The following SRGAP2B variants were observed in gnomAD, a reference collection of about 807,000 sequenced individuals.
SRGAP2B encodes SLIT-ROBO Rho GTPase activating protein 2B, also known as SLIT-ROBO Rho GTPase-activating protein 2B.
A neutral mutation model predicts 22.2 loss-of-function variants in SRGAP2B; 9 were observed. The ratio of observed to expected loss-of-function variants is 0.41; its 90% CI spans 0.24 to 0.71. The LOEUF is 0.71. SRGAP2B is among the 30% of genes least tolerant of loss of function. The probability of loss-of-function intolerance (pLI) is 0.35; values close to 1 mark genes in which losing one functional copy is unlikely to be tolerated. For missense variants in SRGAP2B, 114 were observed against 235.8 expected (o/e 0.48, Z 3.38); for synonymous variants, 36 against 87.4 (o/e 0.41, Z 3.28).
At chr1:145,020,431 TAAAA>T (rs782440915) in intron 2 of SRGAP2B, among the ~76,000 whole-genome samples, 12 of 81,332 alleles carry the variant, frequency 1.5e-4, no homozygotes, top group Non-Finnish European at 4.9e-5. Context: ...CTTGTCTCTT[TAAAA>T]AAAAAAAAAA....
rs1335210244 is a variant in SRGAP2B at position 145,093,850 on chromosome 1, G to A, written c.-542-407C>T. ...CTGTACATCAAAGGGGATCAAAGCC[G>A]GGGAGGGACAAGCCACCAGGGCACA... On this transcript the variant is annotated intron_variant, in intron 1 of 9. Coordinates refer to ENST00000612199, the Ensembl canonical transcript of SRGAP2B. 1.1e-4 allele frequency among the ~76,000 whole-genome samples: 16 copies of A among 144,182 alleles called. No individual in the cohort carries two copies. The East Asian group carries it at 3.2e-3, about 28-fold the overall frequency. The allele number at this position is 144,182 out of a possible 152,430, so 94.6% of individuals were successfully genotyped here.
chr1:144,966,521 C>A (rs1668096527), intron 3 of SRGAP2B, among the ~76,000 whole-genome samples: 1 of 147,110 alleles, frequency 6.8e-6, no homozygotes, highest in Admixed American at 6.6e-5. Context: ...CAACCAGTAC[C>A]AGCCACTGCA....
At chr1:145,031,893 G>T (rs1648386084) in intron 2 of SRGAP2B, among the ~76,000 whole-genome samples, 1 of 143,040 alleles carries the variant, frequency 7.0e-6, no homozygotes. Flanking sequence ...AAGATTTCTA[G>T]CCTCTCAGCT....
intron 2 of SRGAP2B, among the ~76,000 whole-genome samples, chr1:145,043,884 G>A (rs1306178865): frequency 4.8e-4 from 1 of 2,066 alleles, no homozygotes; most frequent in African/African-American, 2.6e-3. Flanking sequence ...GGTATGGCAT[G>A]TCTATGGCTG....
intron 2 of SRGAP2B, among the ~76,000 whole-genome samples, chr1:145,079,947 C>G (rs587716204): frequency 6.7e-6 from 1 of 149,902 alleles, no homozygotes; most frequent in Non-Finnish European, 1.5e-5. Flanking sequence ...CTGCCTCCCC[C>G]AGGTTTGTCC....
chr1:144,994,911 C>A (rs1423655113), intron 3 of SRGAP2B, 97 bp downstream of exon 3: 9 of 617,282 alleles, frequency 1.5e-5, no homozygotes, highest in Non-Finnish European at 2.3e-5. Flanking sequence ...GCCAGGGGCT[C>A]CTGAATTCAG....
intron 2 of SRGAP2B, among the ~76,000 whole-genome samples, chr1:145,020,885 T>G (rs1672754671): frequency 6.7e-6 from 1 of 149,898 alleles, no homozygotes. Context: ...CTGCAAACCC[T>G]GACTCCCTGG....
rs1202934958 is a variant in SRGAP2B, at chr1:144,984,332, AAAC to A, written c.260+10673_260+10675del. 5.1e-3 allele frequency among the ~76,000 whole-genome samples: 605 copies of A among 118,400 alleles called. 33 individuals carry two copies. The highest frequency in any genetic ancestry group is 0.016 in the African/African-American group (475 of 29,996). 77.7% of individuals were successfully genotyped at this position (118,400 alleles called of 152,430 possible). Reference sequence around the variant, plus strand: ...CGAAACTCCATCTAAAAAAAAACCCAAACAACAACAACAACAACAACAACAACA... The same window carrying A: ...CGAAACTCCATCTAAAAAAAAACCCAAACAACAACAACAACAACAACAACA... On this transcript the variant is annotated intron_variant, in intron 3 of 9. Transcript: ENST00000612199.
intron 4 of SRGAP2B, among the ~76,000 whole-genome samples, chr1:144,931,751 G>C (rs1368963538): frequency 6.9e-6 from 1 of 145,696 alleles, no homozygotes; most frequent in Admixed American, 6.8e-5. Context: ...TCAGCCAAGG[G>C]GTTACCCAGC....
chr1:144,922,811 C>G (rs1553604481), intron 4 of SRGAP2B, among the ~76,000 whole-genome samples: 2 of 150,758 alleles, frequency 1.3e-5, no homozygotes, highest in African/African-American at 5.0e-5. Context: ...AAATCCAGGA[C>G]CTCTCTCCTC....
At chr1:145,066,622 C>G (rs1553632404) in intron 2 of SRGAP2B, among the ~76,000 whole-genome samples, 4 of 151,242 alleles carry the variant, frequency 2.6e-5, no homozygotes, top group Non-Finnish European at 5.9e-5. Context: ...TTGCTCACCT[C>G]TCCACTATGT....
chr1:144,905,878 ATCT>A (rs1662950718), exon 6 of SRGAP2B: 1 of 707,224 alleles, frequency 1.4e-6, no homozygotes, highest in Admixed American at 2.0e-5. Flanking sequence ...CATCTTCTCA[ATCT>A]TCTTCACTGA....
chr1:144,966,537 A>G (rs1173876719), intron 3 of SRGAP2B, among the ~76,000 whole-genome samples: 18 of 147,098 alleles, frequency 1.2e-4, no homozygotes, highest in Admixed American at 9.3e-4. Flanking sequence ...CTGCAAAAAC[A>G]TGCCCAATTG....
intron 3 of SRGAP2B, among the ~76,000 whole-genome samples, chr1:144,975,962 C>A (rs1668871389): frequency 6.8e-6 from 1 of 146,246 alleles, no homozygotes; most frequent in African/African-American, 2.6e-5. Flanking sequence ...CAAGCTCCAC[C>A]TCCCAGGTTC....
At chr1:144,976,081 C>T (rs587720394) in intron 3 of SRGAP2B, among the ~76,000 whole-genome samples, 3 of 148,360 alleles carry the variant, frequency 2.0e-5, no homozygotes, top group African/African-American at 5.2e-5. Context: ...AGGGTTTCAC[C>T]GTGTTAGCCA....
At chr1:144,956,506 G>A (rs1246772458) in intron 3 of SRGAP2B, among the ~76,000 whole-genome samples, 1 of 105,786 alleles carries the variant, frequency 9.5e-6, no homozygotes, top group South Asian at 3.5e-4. Context: ...GGAGTACAGT[G>A]GCACAATCTT....
chr1:144,944,658 G>A (rs1426298739), intron 4 of SRGAP2B, among the ~76,000 whole-genome samples: 5 of 146,968 alleles, frequency 3.4e-5, no homozygotes, highest in African/African-American at 1.3e-4. Flanking sequence ...TAGCATCTTA[G>A]GTGAACAAAA....
chr1:144,970,904 A>C (rs1668463813), intron 3 of SRGAP2B, among the ~76,000 whole-genome samples: 1 of 149,604 alleles, frequency 6.7e-6, no homozygotes, highest in Non-Finnish European at 1.5e-5. Flanking sequence ...GCCCTTAAAC[A>C]AACTTTATAA....
chr1:144,926,684 C>T (rs1206161506), intron 4 of SRGAP2B, among the ~76,000 whole-genome samples: 8 of 149,932 alleles, frequency 5.3e-5, no homozygotes, highest in African/African-American at 1.7e-4. Context: ...GATAGACCCT[C>T]TCTTTACAAA....
Sources: gnomAD v4.1 joint callset for allele counts (sites outside exome capture counted in the v4.1 genomes callset) on GRCh38, gnomAD v4.1.1 for gene constraint, MANE v1.5 for transcripts, NCBI Gene and HGNC (gene_info 2026-07-23, HGNC 2026-07-21) for gene names.